Variants in SYT16 observed in about 807,000 individuals in gnomAD.
SYT16 encodes the protein synaptotagmin 16, also known as synaptotagmin-16.
Under a neutral mutation model 61.4 loss-of-function variants are expected in SYT16, and 42 were observed. That is an observed-to-expected ratio of 0.68 (90% CI 0.53 to 0.89). The LOEUF is 0.89. Ranked by LOEUF, SYT16 falls within the 40% of genes least tolerant of loss-of-function variation. The pLI, the probability that SYT16 is intolerant of heterozygous loss-of-function variation, is 0.00. For synonymous variants in SYT16, 314 were observed against 302.3 expected (o/e 1.04, Z -0.40); for missense variants, 804 against 807.3 (o/e 1.00, Z 0.05).
At chr14:61,965,268 C>A (rs1244187328) in intron 1 of SYT16, among the ~76,000 whole-genome samples, 1 of 152,134 alleles carries the variant, frequency 6.6e-6, no homozygotes, top group Non-Finnish European at 1.5e-5. Flanking sequence ...TGCTATGACA[C>A]TCTACTTATT....
At chr14:61,843,709 C>T (rs2046363454) in intron 1 of SYT16, among the ~76,000 whole-genome samples, 1 of 152,078 alleles carries the variant, frequency 6.6e-6, no homozygotes, top group Non-Finnish European at 1.5e-5. Flanking sequence ...AAAATGAGTT[C>T]ACAATAAGTG....
chr14:62,095,507 T>C (rs2057242708), intron 7 of SYT16, among the ~76,000 whole-genome samples: 1 of 151,852 alleles, frequency 6.6e-6, no homozygotes, highest in Non-Finnish European at 1.5e-5. Flanking sequence ...AGGAACAAAA[T>C]ATCTACGATA....
chr14:62,052,176 T>C (rs2055334049), intron 3 of SYT16, among the ~76,000 whole-genome samples: 1 of 152,204 alleles, frequency 6.6e-6, no homozygotes, highest in Admixed American at 6.5e-5. Context: ...TTTTTCAATC[T>C]TTTTTTGCTT....
chr14:61,831,965 T>A, intron 1 of SYT16: 1 of 575,494 alleles, frequency 1.7e-6, no homozygotes. Context: ...GCACCCACTC[T>A]TTGTCAAAGG....
intron 1 of SYT16, among the ~76,000 whole-genome samples, chr14:61,877,832 T>C (rs547809635): frequency 2.0e-4 from 30 of 152,280 alleles, no homozygotes; most frequent in African/African-American, 6.0e-4. Context: ...AGACTTGTAG[T>C]TGGGTGGAAA....
chr14:61,974,591 A>G (rs2140538108), intron 2 of SYT16, among the ~76,000 whole-genome samples: 1 of 152,282 alleles, frequency 6.6e-6, no homozygotes, highest in South Asian at 2.1e-4. Flanking sequence ...GCATCATGTT[A>G]AATAAACTCA....
At chr14:61,929,557 T>C (rs1027823666) in intron 1 of SYT16, among the ~76,000 whole-genome samples, 10 of 152,176 alleles carry the variant, frequency 6.6e-5, no homozygotes, top group African/African-American at 1.9e-4. Context: ...AAACCAAAAT[T>C]GATAAAACTT....
chr14:62,023,901 C>T lies in SYT16; in HGVS notation c.523+27359C>T, dbSNP rs2140770691. 2.0e-5 allele frequency among the ~76,000 whole-genome samples: 3 copies of T among 152,140 alleles called. 1 individual carries two copies. In the South Asian group the frequency reaches 6.2e-4, roughly 32 times the overall value. ...TATTCTTTTTCAAACATGTGCTAGT[C>T]TTGGCTGTTTGATTCTAAAGTTTAT... is the stretch of plus-strand genomic sequence containing the variant. On this transcript the variant is annotated intron_variant, in intron 3 of 7. Transcript: ENST00000683842.
intron 1 of SYT16, chr14:61,832,075 C>T (rs1278138447): frequency 5.5e-6 from 4 of 722,392 alleles, no homozygotes; most frequent in South Asian, 4.2e-5. Context: ...GTCTTCCACT[C>T]GTTCACGCCC....
At chr14:62,066,680 G>C (rs2056074278) in intron 3 of SYT16, among the ~76,000 whole-genome samples, 1 of 152,144 alleles carries the variant, frequency 6.6e-6, no homozygotes, top group Non-Finnish European at 1.5e-5. Flanking sequence ...ATCACTATTT[G>C]ACTTTGGGAT....
At chr14:61,832,582 A>G (rs1365173231) in intron 1 of SYT16, among the ~76,000 whole-genome samples, 3 of 151,934 alleles carry the variant, frequency 2.0e-5, no homozygotes, top group Non-Finnish European at 2.9e-5. Context: ...GATTGCAGGT[A>G]CCCGCCACCA....
intron 3 of SYT16, among the ~76,000 whole-genome samples, chr14:62,037,024 C>T (rs1317268218): frequency 6.6e-6 from 1 of 152,132 alleles, no homozygotes; most frequent in Non-Finnish European, 1.5e-5. Context: ...TCAGTGGCCA[C>T]GTGTTCTGCT....
intron 1 of SYT16, among the ~76,000 whole-genome samples, chr14:61,886,215 C>T (rs767857010): frequency 2.6e-5 from 4 of 151,952 alleles, no homozygotes; most frequent in South Asian, 2.1e-4. Context: ...CCGCCTGCCT[C>T]GGCCTTTCAA....
chr14:61,943,313 G>A (rs1193521657), intron 1 of SYT16, among the ~76,000 whole-genome samples: 1 of 152,154 alleles, frequency 6.6e-6, no homozygotes, highest in Non-Finnish European at 1.5e-5. Context: ...ACAAAGAGGA[G>A]CTGATACCAT....
At chr14:62,047,942 T>G (rs2055071867) in intron 3 of SYT16, among the ~76,000 whole-genome samples, 2 of 152,328 alleles carry the variant, frequency 1.3e-5, no homozygotes, top group Admixed American at 6.5e-5. Flanking sequence ...TTCTCTTTTT[T>G]TTGTTGTGTC....
intron 1 of SYT16, among the ~76,000 whole-genome samples, chr14:61,829,518 C>G (rs1312005999): frequency 1.3e-5 from 2 of 152,052 alleles, no homozygotes; most frequent in African/African-American, 4.8e-5. Context: ...TTCTCTGATC[C>G]TACTGAGATT....
chr14:61,845,188 C>T (rs2046409222), intron 1 of SYT16, among the ~76,000 whole-genome samples: 1 of 151,890 alleles, frequency 6.6e-6, no homozygotes, highest in Non-Finnish European at 1.5e-5. Context: ...GCTGGGATTA[C>T]AGGCATCTGC....
intron 1 of SYT16, among the ~76,000 whole-genome samples, chr14:61,953,209 T>A (rs1352171463): frequency 3.9e-5 from 6 of 152,208 alleles, no homozygotes; most frequent in Admixed American, 2.0e-4. Flanking sequence ...CAGATATTTT[T>A]AATTTGTGTC....
At chr14:61,940,743 T>C (rs2050175037) in intron 1 of SYT16, among the ~76,000 whole-genome samples, 4 of 152,162 alleles carry the variant, frequency 2.6e-5, no homozygotes, top group African/African-American at 9.7e-5. Context: ...TGGCCCCTTC[T>C]CCATTTCCCT....
Sources: allele counts gnomAD v4.1 joint callset (sites outside exome capture counted in the v4.1 genomes callset), GRCh38; gene constraint gnomAD v4.1.1; transcripts MANE v1.5; gene names NCBI Gene and HGNC (gene_info 2026-07-23, HGNC 2026-07-21).